PTPRJ: variants seen among roughly 807,000 people sequenced by gnomAD.
PTPRJ encodes the protein receptor-type tyrosine-protein phosphatase eta.
PTPRJ carries 129 observed loss-of-function variants against 141.3 expected under a neutral mutation model. The ratio of observed to expected loss-of-function variants is 0.91; its 90% confidence interval spans 0.79 to 1.06. The LOEUF (loss-of-function observed/expected upper bound fraction) is 1.06, where lower values mean the gene tolerates loss of function less well. PTPRJ is among the 50% of genes least tolerant of loss of function. The probability of loss-of-function intolerance (pLI) is 0.00; values close to 1 mark genes in which losing one functional copy is unlikely to be tolerated. For missense variants in PTPRJ, 1,601 were observed against 1,679.7 expected (o/e 0.95, Z 0.82); for synonymous variants, 610 against 640.5 (o/e 0.95, Z 0.72).
chr11:48,125,933 G>T (rs1856818126), intron 6 of PTPRJ, among the ~76,000 whole-genome samples: 1 of 152,174 alleles, frequency 6.6e-6, no homozygotes, highest in African/African-American at 2.4e-5. Context: ...CGTAGGACAG[G>T]CTGCCTGACC....
intron 1 of PTPRJ, among the ~76,000 whole-genome samples, chr11:48,004,946 G>A (rs1176888684): frequency 6.6e-6 from 1 of 152,116 alleles, no homozygotes; most frequent in Non-Finnish European, 1.5e-5. Flanking sequence ...TCAAAGCTGG[G>A]CGCAGTGGCT....
At chr11:48,139,821 C>T (rs773018293) in intron 11 of PTPRJ, 45 bp downstream of exon 11, 2 of 1,593,110 alleles carry the variant, frequency 1.3e-6, no homozygotes, top group Non-Finnish European at 1.7e-6. Context: ...TGTGATCACT[C>T]CTGGAGCGGC....
At chr11:48,067,569 C>G (rs1451141064) in intron 1 of PTPRJ, among the ~76,000 whole-genome samples, 1 of 152,062 alleles carries the variant, frequency 6.6e-6, no homozygotes, top group Non-Finnish European at 1.5e-5. Context: ...TTTCTTTCCC[C>G]CTGGATTTGA....
At chr11:48,080,214 A>G (rs7114598) in intron 1 of PTPRJ, among the ~76,000 whole-genome samples, 102,868 of 152,142 alleles carry the variant, frequency 0.68, 35,870 homozygotes, top group East Asian at 0.81. Flanking sequence ...GCCGGTTGGT[A>G]CTGGAACTTG....
intron 1 of PTPRJ, among the ~76,000 whole-genome samples, chr11:48,086,242 C>T (rs1328583968): frequency 6.6e-6 from 1 of 152,070 alleles, no homozygotes; most frequent in Non-Finnish European, 1.5e-5. Flanking sequence ...GGCATGATCT[C>T]GGCTCATTGC....
intron 1 of PTPRJ, among the ~76,000 whole-genome samples, chr11:48,040,284 C>T (rs542568570): frequency 2.7e-4 from 41 of 152,366 alleles, no homozygotes; most frequent in South Asian, 1.7e-3. Context: ...GCTGTGTGCG[C>T]GCACATGCGT....
At chr11:48,033,678 C>T (rs940139640) in intron 1 of PTPRJ, among the ~76,000 whole-genome samples, 11 of 152,074 alleles carry the variant, frequency 7.2e-5, no homozygotes, top group African/African-American at 2.7e-4. Flanking sequence ...GGAAGACAGT[C>T]GATCATTGAT....
intron 1 of PTPRJ, among the ~76,000 whole-genome samples, chr11:48,066,684 C>G (rs993679373): frequency 3.3e-5 from 5 of 151,898 alleles, no homozygotes; most frequent in Non-Finnish European, 5.9e-5. Context: ...CTCCCAGGTT[C>G]AAGCAATTCT....
chr11:47,984,594 T>C (rs565108261), intron 1 of PTPRJ, among the ~76,000 whole-genome samples: 60 of 152,214 alleles, frequency 3.9e-4, no homozygotes, highest in African/African-American at 1.3e-3. Context: ...AGTCCCACTC[T>C]GTCACCCAGG....
At chr11:48,024,847 C>G (rs757195694) in intron 1 of PTPRJ, among the ~76,000 whole-genome samples, 2 of 152,370 alleles carry the variant, frequency 1.3e-5, no homozygotes, top group African/African-American at 4.8e-5. Flanking sequence ...GATCCTGTCT[C>G]ATTCAGCTGC....
intron 1 of PTPRJ, among the ~76,000 whole-genome samples, chr11:47,986,070 C>T (rs989181621): frequency 2.0e-5 from 3 of 152,152 alleles, no homozygotes; most frequent in African/African-American, 7.2e-5. Context: ...AGTTGACATC[C>T]CTCTTCATCC....
At chr11:47,996,364 T>C (rs1171216033) in intron 1 of PTPRJ, among the ~76,000 whole-genome samples, 1 of 149,928 alleles carries the variant, frequency 6.7e-6, no homozygotes. Flanking sequence ...AAAGAGGAAC[T>C]TGGGAAAGAG....
chr11:48,154,596 G>A (rs1857558679), intron 19 of PTPRJ, among the ~76,000 whole-genome samples: 1 of 152,186 alleles, frequency 6.6e-6, no homozygotes, highest in African/African-American at 2.4e-5. Context: ...ATGTTCTGAT[G>A]GAGCTGAAAT....
chr11:48,147,086 T>C (rs1286307999), intron 15 of PTPRJ, 123 bp downstream of exon 15: 2 of 851,106 alleles, frequency 2.3e-6, no homozygotes, highest in Non-Finnish European at 3.9e-6. Flanking sequence ...CCTTCACCCA[T>C]AGTGTTCTGC....
At chr11:48,034,928 G>T (rs1242755877) in intron 1 of PTPRJ, among the ~76,000 whole-genome samples, 1 of 152,214 alleles carries the variant, frequency 6.6e-6, no homozygotes, top group Non-Finnish European at 1.5e-5. Flanking sequence ...AAGATATTAA[G>T]AGCCCGTTTT....
At chr11:48,102,307 G>A (rs1856169139) in intron 1 of PTPRJ, among the ~76,000 whole-genome samples, 3 of 152,198 alleles carry the variant, frequency 2.0e-5, no homozygotes, top group Admixed American at 2.0e-4. Flanking sequence ...CCCGGGAAGC[G>A]AGGCTGACAC....
chr11:48,049,619 C>A (rs900050662), intron 1 of PTPRJ, among the ~76,000 whole-genome samples: 1 of 149,290 alleles, frequency 6.7e-6, no homozygotes, highest in African/African-American at 2.5e-5. Context: ...GAGGCTGAGG[C>A]AGGAGAATCG....
At chr11:48,065,861 G>A (rs887797176) in intron 1 of PTPRJ, among the ~76,000 whole-genome samples, 1 of 152,260 alleles carries the variant, frequency 6.6e-6, no homozygotes, top group Admixed American at 6.5e-5. Flanking sequence ...TTTGAACCCA[G>A]GCAGCTGAAC....
chr11:48,053,529 AAATAT>A (rs972005321), intron 1 of PTPRJ, among the ~76,000 whole-genome samples: 5 of 132,658 alleles, frequency 3.8e-5, no homozygotes, highest in African/African-American at 1.4e-4. Context: ...AGGAGAGGTC[AAATAT>A]AATATTATAT....
Sources: allele counts gnomAD v4.1 joint callset (sites outside exome capture counted in the v4.1 genomes callset), GRCh38; gene constraint gnomAD v4.1.1; transcripts MANE v1.5; gene names NCBI Gene and HGNC (gene_info 2026-07-23, HGNC 2026-07-21).